Variants in BLTP3B observed in about 807,000 individuals in gnomAD.
The protein encoded by BLTP3B is UHRF1 (ICBP90) binding protein 1-like.
the BLTP3B span, among the ~76,000 whole-genome samples, chr12:100,130,978 GGAGGGA>G: frequency 6.4e-5 from 2 of 31,134 alleles, no homozygotes; most frequent in Admixed American, 4.0e-4. Flanking sequence ...AGAGAGAGAG[GGAGGGA>G]GAGAGAGAGA....
At chr12:100,120,912 G>A in the BLTP3B span, among the ~76,000 whole-genome samples, 1 of 152,150 alleles carries the variant, frequency 6.6e-6, no homozygotes, top group East Asian at 1.9e-4. Context: ...CTATCAAAAG[G>A]TAAACGGATA....
At chr12:100,133,801 A>G in the BLTP3B span, among the ~76,000 whole-genome samples, 2 of 152,214 alleles carry the variant, frequency 1.3e-5, no homozygotes, top group African/African-American at 4.8e-5. Context: ...TGCTATATAC[A>G]GTAGTCCTCC....
At chr12:100,121,998 C>T in the BLTP3B span, among the ~76,000 whole-genome samples, 1 of 151,906 alleles carries the variant, frequency 6.6e-6, no homozygotes, top group Admixed American at 6.6e-5. Context: ...TTTAGCCAGG[C>T]ATGGTGGTGC....
At chr12:100,084,153 C>T in the BLTP3B span, among the ~76,000 whole-genome samples, 1 of 151,610 alleles carries the variant, frequency 6.6e-6, no homozygotes, top group South Asian at 2.1e-4. Flanking sequence ...CACACCACTG[C>T]ACTTCAGCCT....
the BLTP3B span, chr12:100,142,794 G>A: frequency 8.3e-6 from 9 of 1,089,070 alleles, no homozygotes; most frequent in Non-Finnish European, 1.1e-5. Flanking sequence ...CACAGCCGCC[G>A]CCGAGAACCC....
At chr12:100,086,372 A>AGGG in the BLTP3B span, 696 of 439,698 alleles carry the variant, frequency 1.6e-3, 13 homozygotes, top group African/African-American at 0.015. Context: ...GGAAAAAAAA[A>AGGG]GGGGGGGGGG....
At chr12:100,044,615 C>A in the BLTP3B span, among the ~76,000 whole-genome samples, 2 of 152,068 alleles carry the variant, frequency 1.3e-5, no homozygotes, top group Non-Finnish European at 2.9e-5. Context: ...AGGCAATACA[C>A]CGAAAGTAAC....
chr12:100,050,094 C>A, the BLTP3B span: 1 of 1,283,872 alleles, frequency 7.8e-7, no homozygotes, highest in Non-Finnish European at 1.0e-6. Context: ...GATAGGATTG[C>A]TGGTGAGACA....
the BLTP3B span, among the ~76,000 whole-genome samples, chr12:100,131,374 A>C: frequency 4.0e-5 from 6 of 151,536 alleles, no homozygotes; most frequent in African/African-American, 1.4e-4. Context: ...TTATTTAAAA[A>C]ATTTTTTAAA....
the BLTP3B span, among the ~76,000 whole-genome samples, chr12:100,124,976 A>ATATT: frequency 5.3e-5 from 5 of 94,868 alleles, no homozygotes; most frequent in African/African-American, 1.0e-4. Flanking sequence ...ATATATATAT[A>ATATT]TATTTATATT....
chr12:100,077,542 T>C, the BLTP3B span, among the ~76,000 whole-genome samples: 4 of 152,248 alleles, frequency 2.6e-5, no homozygotes, highest in African/African-American at 4.8e-5. Flanking sequence ...GCGGCATCAC[T>C]GGTCTTTACT....
chr12:100,092,946 G>A, the BLTP3B span: 1 of 985,082 alleles, frequency 1.0e-6, no homozygotes, highest in Non-Finnish European at 1.2e-6. Context: ...TCCCTTATTG[G>A]CTAACGGTAC....
At chr12:100,088,038 C>G in the BLTP3B span, among the ~76,000 whole-genome samples, 1 of 152,154 alleles carries the variant, frequency 6.6e-6, no homozygotes, top group Non-Finnish European at 1.5e-5. Context: ...AGGCTGGAAT[C>G]TTTTAGGCTG....
chr12:100,054,827 C>T, the BLTP3B span, among the ~76,000 whole-genome samples: 2 of 152,120 alleles, frequency 1.3e-5, no homozygotes, highest in Admixed American at 1.3e-4. Context: ...TAGCTGACAA[C>T]TCTGCCTCTT....
the BLTP3B span, among the ~76,000 whole-genome samples, chr12:100,082,805 C>T: frequency 6.6e-6 from 1 of 152,180 alleles, no homozygotes; most frequent in African/African-American, 2.4e-5. Context: ...TTTAGGCAAA[C>T]TTAAGGACTG....
At chr12:100,044,377 C>T in the BLTP3B span, among the ~76,000 whole-genome samples, 1 of 152,278 alleles carries the variant, frequency 6.6e-6, no homozygotes, top group East Asian at 1.9e-4. Flanking sequence ...CTTTATTCTT[C>T]AGTTGACACA....
At chr12:100,136,340 TTTC>T in the BLTP3B span, among the ~76,000 whole-genome samples, 1 of 152,190 alleles carries the variant, frequency 6.6e-6, no homozygotes, top group Middle Eastern at 3.2e-3. Context: ...TTTTTATTTT[TTTC>T]TTCCTTTTTC....
the BLTP3B span, among the ~76,000 whole-genome samples, chr12:100,132,684 C>T: frequency 1.3e-5 from 2 of 152,168 alleles, no homozygotes; most frequent in African/African-American, 2.4e-5. Flanking sequence ...TGGTGACTCA[C>T]GCCTGTAATC....
the BLTP3B span, chr12:100,059,457 A>G: frequency 2.5e-6 from 4 of 1,613,504 alleles, no homozygotes; most frequent in African/African-American, 1.3e-5. Context: ...TGTGGCAATC[A>G]TTTCAGAACT....
Sources: allele counts gnomAD v4.1 joint callset (sites outside exome capture counted in the v4.1 genomes callset), GRCh38; gene constraint gnomAD v4.1.1; transcripts MANE v1.5; gene names NCBI Gene and HGNC (gene_info 2026-07-23, HGNC 2026-07-21).